Variants in KCNMB2 observed in about 807,000 individuals in gnomAD.
KCNMB2 encodes calcium-activated potassium channel subunit beta-2.
A neutral mutation model predicts 24.5 loss-of-function variants in KCNMB2; 9 were observed. That is an observed-to-expected ratio of 0.37 (90% CI 0.22 to 0.64). The LOEUF (loss-of-function observed/expected upper bound fraction) is 0.64. Among genes scored for constraint, KCNMB2 ranks in the 30% least tolerant of loss-of-function variants. KCNMB2 has a pLI of 0.63. For missense variants in KCNMB2, 226 were observed against 284.3 expected, an observed-to-expected ratio of 0.79 and a Z score of 1.47; for synonymous variants, 109 against 104.4, an observed-to-expected ratio of 1.04 and a Z score of -0.27.
chr3:178,616,643 T>C (rs1718716240), intron 1 of KCNMB2, among the ~76,000 whole-genome samples: 1 of 152,242 alleles, frequency 6.6e-6, no homozygotes, highest in South Asian at 2.1e-4. Flanking sequence ...AGTGCTCACC[T>C]GACTTTTGGT....
intron 1 of KCNMB2, among the ~76,000 whole-genome samples, chr3:178,554,633 A>G (rs1716064683): frequency 6.6e-6 from 1 of 152,174 alleles, no homozygotes; most frequent in South Asian, 2.1e-4. Context: ...CTTTCAGAAA[A>G]AAAAGCACTT....
At chr3:178,766,419 C>A (rs770283253) in intron 1 of KCNMB2, among the ~76,000 whole-genome samples, 67 of 152,196 alleles carry the variant, frequency 4.4e-4, no homozygotes, top group Middle Eastern at 6.8e-3. Context: ...ATCTAGAAAT[C>A]CTGGCCTCAA....
chr3:178,556,595 TG>T (rs1716132827), intron 1 of KCNMB2, among the ~76,000 whole-genome samples: 1 of 152,096 alleles, frequency 6.6e-6, no homozygotes, highest in Admixed American at 6.5e-5. Flanking sequence ...TTAGTAGAGA[TG>T]GGGTTTCACC....
intron 1 of KCNMB2, among the ~76,000 whole-genome samples, chr3:178,585,011 T>A (rs1717375473): frequency 6.6e-6 from 1 of 152,204 alleles, no homozygotes. Flanking sequence ...CTGCCAATAT[T>A]TTTGGCTTCA....
chr3:178,567,050 G>T (rs927620133), intron 1 of KCNMB2, among the ~76,000 whole-genome samples: 1 of 152,160 alleles, frequency 6.6e-6, no homozygotes, highest in South Asian at 2.1e-4. Context: ...GAAGTAGTTC[G>T]ATTATTTTCA....
intron 1 of KCNMB2, among the ~76,000 whole-genome samples, chr3:178,756,036 A>C (rs140215133): frequency 1.2e-4 from 19 of 152,342 alleles, no homozygotes; most frequent in Middle Eastern, 3.4e-3. Flanking sequence ...TATATTCATA[A>C]AATGAAATAA....
intron 1 of KCNMB2, among the ~76,000 whole-genome samples, chr3:178,600,567 A>G (rs1349846911): frequency 6.6e-6 from 1 of 152,206 alleles, no homozygotes; most frequent in Non-Finnish European, 1.5e-5. Context: ...ATAAAACAGA[A>G]TTCTACATAA....
intron 1 of KCNMB2, among the ~76,000 whole-genome samples, chr3:178,679,298 A>T (rs954271136): frequency 6.6e-6 from 1 of 151,966 alleles, no homozygotes; most frequent in Non-Finnish European, 1.5e-5. Context: ...TGGTGCACTC[A>T]TGGTTCACTG....
chr3:178,664,772 A>T (rs1241086468), intron 1 of KCNMB2, among the ~76,000 whole-genome samples: 1 of 152,110 alleles, frequency 6.6e-6, no homozygotes, highest in East Asian at 1.9e-4. Flanking sequence ...CACGTAAATA[A>T]TGGCATCCTT....
At chr3:178,560,036 C>T (rs1464014435) in intron 1 of KCNMB2, among the ~76,000 whole-genome samples, 3 of 146,854 alleles carry the variant, frequency 2.0e-5, no homozygotes, top group Non-Finnish European at 4.5e-5. Flanking sequence ...ATATATTATA[C>T]ATATCTTTTT....
intron 1 of KCNMB2, among the ~76,000 whole-genome samples, chr3:178,585,075 G>A (rs1283626329): frequency 6.6e-6 from 1 of 151,928 alleles, no homozygotes; most frequent in African/African-American, 2.4e-5. Context: ...AAAGTCATCT[G>A]ATTAAGGTTT....
intron 1 of KCNMB2, among the ~76,000 whole-genome samples, chr3:178,563,768 A>G (rs544208663): frequency 6.6e-6 from 1 of 152,294 alleles, no homozygotes; most frequent in South Asian, 2.1e-4. Flanking sequence ...TCCTTCAACA[A>G]AGGAGCAGAG....
chr3:178,778,399 GAGTC>G (rs1202869668), intron 1 of KCNMB2, among the ~76,000 whole-genome samples: 3 of 150,890 alleles, frequency 2.0e-5, no homozygotes, highest in Non-Finnish European at 4.4e-5. Flanking sequence ...GGAAAGCTGA[GAGTC>G]AGTCATGTGA....
At chr3:178,821,694 G>A (rs762178072) in intron 2 of KCNMB2, among the ~76,000 whole-genome samples, 17 of 152,046 alleles carry the variant, frequency 1.1e-4, no homozygotes, top group Non-Finnish European at 1.9e-4. Context: ...AGGGAAATAC[G>A]GAAACAAGAA....
intron 1 of KCNMB2, among the ~76,000 whole-genome samples, chr3:178,793,044 C>T (rs145000669): frequency 1.3e-4 from 20 of 152,204 alleles, no homozygotes; most frequent in African/African-American, 4.8e-4. Context: ...CAAGCTACAT[C>T]GACAGTGCCC....
At chr3:178,735,067 T>C (rs1222065999) in intron 1 of KCNMB2, among the ~76,000 whole-genome samples, 1 of 152,256 alleles carries the variant, frequency 6.6e-6, no homozygotes, top group Non-Finnish European at 1.5e-5. Flanking sequence ...CTGCCCTGAA[T>C]TAAACAGGAT....
intron 1 of KCNMB2, among the ~76,000 whole-genome samples, chr3:178,569,972 T>C (rs1443665003): frequency 2.6e-5 from 4 of 152,318 alleles, no homozygotes; most frequent in Admixed American, 2.6e-4. Flanking sequence ...GCAACTCCTA[T>C]AGTATTCATT....
intron 1 of KCNMB2, among the ~76,000 whole-genome samples, chr3:178,665,882 T>C (rs62282973): frequency 0.017 from 2,525 of 152,304 alleles, 37 homozygotes; most frequent in Middle Eastern, 0.034. Context: ...GAACTATTCC[T>C]AGCAACTTTT....
intron 1 of KCNMB2, among the ~76,000 whole-genome samples, chr3:178,564,650 C>T (rs1716453822): frequency 6.6e-6 from 1 of 152,166 alleles, no homozygotes; most frequent in African/African-American, 2.4e-5. Context: ...AATTTATTCC[C>T]ATTTCTGCAC....
Sources: allele counts gnomAD v4.1 joint callset (sites outside exome capture counted in the v4.1 genomes callset), GRCh38; gene constraint gnomAD v4.1.1; transcripts MANE v1.5; gene names NCBI Gene and HGNC (gene_info 2026-07-23, HGNC 2026-07-21).